Variants in RSBN1 observed in about 807,000 individuals in gnomAD.
RSBN1 encodes the protein round spermatid basic protein 1, also known as lysine-specific demethylase 9.
A neutral mutation model predicts 74.8 loss-of-function variants in RSBN1; 23 were observed. That is an observed-to-expected ratio of 0.31 (90% CI 0.22 to 0.44). RSBN1 has a LOEUF of 0.44. RSBN1 is among the 20% of genes least tolerant of loss of function. The pLI, the probability that RSBN1 is intolerant of heterozygous loss-of-function variation, is 1.00. For synonymous variants in RSBN1, 407 were observed against 379.6 expected, an observed-to-expected ratio of 1.07 and a Z score of -0.84; for missense variants, 808 against 1,020.9, an observed-to-expected ratio of 0.79 and a Z score of 2.84.
intron 2 of RSBN1, among the ~76,000 whole-genome samples, chr1:113,787,026 C>T (rs1660257854): frequency 6.6e-6 from 1 of 152,118 alleles, no homozygotes; most frequent in South Asian, 2.1e-4. Context: ...TCAATATCTG[C>T]TTGGTTGTCT....
At position 113,764,453 on chromosome 1, in the gene RSBN1, T is replaced by C. The variant is rs1439595530; in HGVS notation, c.*1527A>G. On this transcript the variant is annotated 3_prime_UTR_variant, in exon 7 of 7. Transcript: ENST00000261441. ...CTATCGGTTTACACAGTGACCTCTA[T>C]ACTTTGCTAATATGCATTTAACTAC... The C allele has an allele frequency of 1.3e-5, 2 of 152,688 alleles. No individual in the cohort carries two copies. Among genetic ancestry groups the C allele is most frequent in the African/African-American group, 2.4e-5 (1 of 41,448 alleles). 9.5% of individuals were successfully genotyped at this position (152,688 alleles called of 1,614,324 possible).
In RSBN1 at chr1:113,811,675, C is replaced by T. The variant is rs1306029750; in HGVS notation, c.703+35G>A. ...GCGGGATATCGGAACTGAGAGAGACCTAGAACCCAAGCCGGGCAGTTTGCC... is the reference window on the plus strand; with the variant it reads ...GCGGGATATCGGAACTGAGAGAGACTTAGAACCCAAGCCGGGCAGTTTGCC... On this transcript the variant is annotated intron_variant, in intron 1 of 6. Transcript: ENST00000261441. The T allele has an allele frequency of 1.9e-6, 3 of 1,547,884 alleles. No homozygotes were observed. In the East Asian group the frequency reaches 6.8e-5, roughly 35 times the overall value.
Position 113,762,145 on chromosome 1 carries a change from A to C in RSBN1, c.*3835T>G, listed in dbSNP as rs1451916755. 6.5e-6 allele frequency: 1 copy of C among 152,792 alleles called. No homozygotes were observed. Among genetic ancestry groups the C allele is most frequent in the Non-Finnish European group, 1.5e-5 (1 of 68,036 alleles). 9.5% of individuals were successfully genotyped at this position (152,792 alleles called of 1,614,324 possible). A position where few individuals can be genotyped will look rare whatever the true frequency, so the allele number is the denominator to read the frequency against. On this transcript the variant is annotated 3_prime_UTR_variant, in exon 7 of 7. Coordinates refer to ENST00000261441, the MANE Select transcript of RSBN1 (RefSeq NM_018364.5). ...GATAAATAAAAGCCACAGGAAAAAA[A>C]GTCTTAGCTGCCAATCAAAATGGAG...
rs1243768203 is a variant in RSBN1 at position 113,777,367 on chromosome 1, G to A, written c.1516-15C>T. On this transcript the variant is annotated splice_polypyrimidine_tract_variant and intron_variant, in intron 3 of 6. Transcript: ENST00000261441. ...GGCAAAGTCATCTAGAAATCAGACG[G>A]ATTAGTCACATTAAAAAATTGTTTC... 6.3e-7 allele frequency: 1 copy of A among 1,591,586 alleles called. No homozygotes were observed. The highest frequency in any genetic ancestry group is 2.2e-5 in the East Asian group (1 of 44,604).
In RSBN1 at chr1:113,797,978, T is replaced by C; in HGVS notation, c.762A>G (p.Ile254Met). Residue 254 changes from isoleucine (I) to methionine (M), a missense_variant, in exon 2 of 7, where the codon ATA (isoleucine) becomes ATG (methionine). Physicochemically the swap from Ile to Met is conservative, Grantham distance 10. Around this residue, in one of 6 missense-constraint regions of RSBN1, gnomAD observed 464 missense variants for 401.0 expected, o/e 1.16. Transcript: ENST00000261441. ...GGTGTTTCTTTTTCTTTTTCTTCTT[T>C]ATTTTCTTCAAGACAAAATCATCGG... ...QRADDFVLKK[I>M]KKKKKKKHRE... is the part of the protein sequence containing the mutation. 2 of 1,612,488 alleles carry C rather than the reference T, an allele frequency of 1.2e-6. No individual in the cohort carries two copies. The highest frequency in any genetic ancestry group is 1.7e-6 in the Non-Finnish European group (2 of 1,179,680).
chr1:113,798,978 G>A (rs1660526569), intron 1 of RSBN1, among the ~76,000 whole-genome samples: 1 of 152,040 alleles, frequency 6.6e-6, no homozygotes, highest in Non-Finnish European at 1.5e-5. Context: ...CTTAAGCTTT[G>A]TATCCCCATC....
rs757528570 is a variant in RSBN1 at position 113,811,950 on chromosome 1, C to T, written c.463G>A (p.Gly155Arg). ...PPPPPSLAPAGPAVAAPLPAP... is the reference protein window; with the variant it reads ...PPPPPSLAPARPAVAAPLPAP... ...GGGAGAGGGGCAGCGACAGCGGGCCCGGCGGGTGCCAGCGAAGGTGGCGGC... is the reference window on the plus strand; with the variant it reads ...GGGAGAGGGGCAGCGACAGCGGGCCTGGCGGGTGCCAGCGAAGGTGGCGGC... The change falls in exon 1 of 7, where the codon GGG becomes AGG. Residue 155 changes from glycine to arginine, a missense_variant. By Grantham distance (125) the Gly-to-Arg change is moderately radical (BLOSUM62 -2). Transcript: ENST00000261441. The T allele has an allele frequency of 6.3e-7, 1 of 1,590,078 alleles. No homozygotes were observed. Among genetic ancestry groups the T allele is most frequent in the Non-Finnish European group, 8.6e-7 (1 of 1,167,604 alleles).
intron 2 of RSBN1, among the ~76,000 whole-genome samples, chr1:113,785,140 T>A (rs2101805596): frequency 6.6e-6 from 1 of 152,332 alleles, no homozygotes; most frequent in East Asian, 1.9e-4. Context: ...TTTTTTACTT[T>A]TTTTAAACCT....
At chr1:113,790,436 C>A (rs1314219995) in intron 2 of RSBN1, among the ~76,000 whole-genome samples, 1 of 152,056 alleles carries the variant, frequency 6.6e-6, no homozygotes, top group Non-Finnish European at 1.5e-5. Flanking sequence ...ATTAGCCTGA[C>A]AAATTAGCCT....
chr1:113,812,059 G>A lies in RSBN1; in HGVS notation c.354C>T (p.Ser118=). ...GCGGCAGCGGCCCAGGATGTTGGCGGCTGCGACGCCGCCGGTGAGGGGGAG... is the reference window on the plus strand; with the variant it reads ...GCGGCAGCGGCCCAGGATGTTGGCGACTGCGACGCCGCCGGTGAGGGGGAG... ...PLAPPHRRRR[S]RQHPGPLPPT... The change falls in exon 1 of 7, where the codon AGC becomes AGT. Residue 118 remains serine (S), a synonymous_variant. Transcript: ENST00000261441. 3 of 1,550,600 alleles carry A rather than the reference G, an allele frequency of 1.9e-6. No individual in the cohort carries two copies. Among genetic ancestry groups the A allele is most frequent in the Admixed American group, 2.0e-5 (1 of 49,374 alleles).
In RSBN1 at chr1:113,777,219, T is replaced by C. The variant is rs1425409627; in HGVS notation, c.1649A>G (p.Lys550Arg). ...PTADMPKSPFKRRRSMNEIKN... is the reference protein window; with the variant it reads ...PTADMPKSPFRRRRSMNEIKN... ...AAAAAGAAATATTTACCGTCGTCTT[T>C]TGAAGGGTGACTTTGGCATATCTGC... Residue 550 changes from lysine (K) to arginine (R), a missense_variant, in exon 4 of 7, where the codon AAA becomes AGA. Around this residue, in one of 6 missense-constraint regions of RSBN1, gnomAD observed 112 missense variants for 257.3 expected, o/e 0.44. Transcript: ENST00000261441. 2 of 1,605,386 alleles carry C rather than the reference T, an allele frequency of 1.2e-6. No homozygotes were observed. The highest frequency in any genetic ancestry group is 1.7e-6 in the Non-Finnish European group (2 of 1,175,944).
intron 4 of RSBN1, among the ~76,000 whole-genome samples, chr1:113,773,769 C>T (rs939672711): frequency 6.6e-6 from 1 of 152,150 alleles, no homozygotes; most frequent in African/African-American, 2.4e-5. Context: ...CTTGGGGAGG[C>T]TGAGGCAGAA....
rs1268219539 is a variant in RSBN1, at chr1:113,763,516, C to T, written c.*2464G>A. ...CTAAACTAGGATACAGCTTTGAAAG[C>T]AGTAAAAAACGCAAAACTTCTGCTT... On this transcript the variant is annotated 3_prime_UTR_variant, in exon 7 of 7. Transcript: ENST00000261441. The T allele has an allele frequency of 6.5e-6, 1 of 152,672 alleles. No homozygotes were observed. Among genetic ancestry groups the T allele is most frequent in the African/African-American group, 2.4e-5 (1 of 41,432 alleles). The allele number at this position is 152,672 out of a possible 1,614,324, so 9.5% of individuals were successfully genotyped here.
intron 1 of RSBN1, among the ~76,000 whole-genome samples, chr1:113,798,299 CCAAAAAA>C (rs1412253447): frequency 6.6e-6 from 1 of 151,826 alleles, no homozygotes; most frequent in Non-Finnish European, 1.5e-5. Context: ...ATTCACACAT[CCAAAAAA>C]CAGAGAATGG....
chr1:113,812,467 A>G lies in RSBN1; in HGVS notation c.-55T>C, dbSNP rs182870440. On this transcript the variant is annotated 5_prime_UTR_variant, in exon 1 of 7. Transcript: ENST00000261441. ...CGCAGGCCTCTCCAACCGAGCTTCT[A>G]TTGTAAAGCACCCTATGCCGCGCAA... The G allele has an allele frequency of 4.7e-6, 7 of 1,499,836 alleles. No individual in the cohort carries two copies. The highest frequency in any genetic ancestry group is 4.8e-5 in the East Asian group (2 of 41,380). The allele number at this position is 1,499,836 out of a possible 1,614,324, so 92.9% of individuals were successfully genotyped here.
In RSBN1 at chr1:113,793,786, G is replaced by A. The variant is rs577728964; in HGVS notation, c.1377+3577C>T. On this transcript the variant is annotated intron_variant, in intron 2 of 6. Coordinates refer to ENST00000261441, the MANE Select transcript of RSBN1 (RefSeq NM_018364.5). ...AACTCCACCTCCCAGGTTCAAGCCA[G>A]CATCCCAAGCAGCTGGGATTACAGG... 1.4e-4 allele frequency among the ~76,000 whole-genome samples: 21 copies of A among 151,850 alleles called. No homozygotes were observed. The East Asian group carries it at 4.1e-3, about 29-fold the overall frequency.
chr1:113,786,249 CT>C (rs1287676666), intron 2 of RSBN1, among the ~76,000 whole-genome samples: 2 of 152,198 alleles, frequency 1.3e-5, no homozygotes, highest in African/African-American at 4.8e-5. Context: ...ACTACTCTCT[CT>C]TCTGGAGGAG....
At position 113,765,330 on chromosome 1, in the gene RSBN1, T is replaced by G. The variant is rs951096566; in HGVS notation, c.*650A>C. Reference sequence around the variant, plus strand: ...ACCAAGGACTATTCATCTTTAGATTTTTTTTTTAATTGAAATATCCACTGG... The same window carrying G: ...ACCAAGGACTATTCATCTTTAGATTGTTTTTTTAATTGAAATATCCACTGG... On this transcript the variant is annotated 3_prime_UTR_variant, in exon 7 of 7. Coordinates refer to ENST00000261441, the MANE Select transcript of RSBN1 (RefSeq NM_018364.5). 9 of 152,346 alleles carry G rather than the reference T, an allele frequency of 5.9e-5. No individual in the cohort carries two copies. Among genetic ancestry groups the G allele is most frequent in the African/African-American group, 2.2e-4 (9 of 41,462 alleles). 9.4% of individuals were successfully genotyped at this position (152,346 alleles called of 1,614,324 possible).
At chr1:113,794,776 T>C (rs1186323840) in intron 2 of RSBN1, among the ~76,000 whole-genome samples, 2 of 152,156 alleles carry the variant, frequency 1.3e-5, no homozygotes, top group South Asian at 2.1e-4. Context: ...TGTATTATAA[T>C]TGCTGGTTTA....
Sources: gnomAD v4.1 joint callset for allele counts (sites outside exome capture counted in the v4.1 genomes callset) on GRCh38, gnomAD v4.1.1 for gene constraint, gnomAD v4.1.1 regional missense constraint, MANE v1.5 for transcripts, NCBI Gene and HGNC (gene_info 2026-07-23, HGNC 2026-07-21) for gene names.